Variants in NCALD observed in about 807,000 individuals in gnomAD.
NCALD encodes neurocalcin-delta.
In NCALD, 10 loss-of-function variants were observed where a neutral mutation model predicts 18.6. That is an observed-to-expected ratio of 0.54 (90% CI 0.33 to 0.91). The LOEUF (loss-of-function observed/expected upper bound fraction) is 0.91. Among genes scored for constraint, NCALD ranks in the 40% least tolerant of loss-of-function variants. The pLI is 0.03. For missense variants in NCALD, 184 were observed against 247.6 expected (o/e 0.74, Z 1.72); for synonymous variants, 88 against 87.4 (o/e 1.01, Z -0.04).
At chr8:102,040,479 A>AAAAAGAAAAG (rs113596482) in intron 1 of NCALD, among the ~76,000 whole-genome samples, 2 of 150,750 alleles carry the variant, frequency 1.3e-5, no homozygotes, top group Admixed American at 6.6e-5. Context: ...ATCAAAAAAA[A>AAAAAGAAAAG]AAAAGAAAAG....
At chr8:101,803,185 C>T (rs1455883833) in intron 4 of NCALD, among the ~76,000 whole-genome samples, 1 of 152,130 alleles carries the variant, frequency 6.6e-6, no homozygotes, top group Non-Finnish European at 1.5e-5. Context: ...TGCTCATTTA[C>T]CATTCCAAAA....
intron 2 of NCALD, among the ~76,000 whole-genome samples, chr8:102,015,888 C>T (rs1318405043): frequency 6.6e-6 from 1 of 152,104 alleles, no homozygotes; most frequent in African/African-American, 2.4e-5. Flanking sequence ...GAGATGAGCC[C>T]CAGCTCTCTC....
At chr8:101,978,071 C>T (rs1399761510) in intron 2 of NCALD, among the ~76,000 whole-genome samples, 1 of 151,756 alleles carries the variant, frequency 6.6e-6, no homozygotes, top group Non-Finnish European at 1.5e-5. Flanking sequence ...TGTGCCTCGT[C>T]CATACAGCAA....
chr8:102,034,183 A>G (rs921453016), intron 1 of NCALD, among the ~76,000 whole-genome samples: 2 of 152,212 alleles, frequency 1.3e-5, no homozygotes, highest in African/African-American at 2.4e-5. Context: ...GGAGTGTGTC[A>G]CATAAGTTAA....
At chr8:101,977,696 G>A (rs1820473670) in intron 2 of NCALD, among the ~76,000 whole-genome samples, 1 of 152,134 alleles carries the variant, frequency 6.6e-6, no homozygotes, top group South Asian at 2.1e-4. Flanking sequence ...ATTTCTGGGG[G>A]CTGCAATCCT....
intron 1 of NCALD, among the ~76,000 whole-genome samples, chr8:102,090,330 CT>C (rs1824884382): frequency 6.6e-6 from 1 of 152,124 alleles, no homozygotes; most frequent in South Asian, 2.1e-4. Flanking sequence ...TGTCCTAAAA[CT>C]TTTTGCCATC....
chr8:101,731,160 T>A (rs1352060703), intron 1 of NCALD, among the ~76,000 whole-genome samples: 1 of 152,054 alleles, frequency 6.6e-6, no homozygotes, highest in East Asian at 1.9e-4. Context: ...GGCTCTAAAC[T>A]GGAGGCGTGC....
intron 4 of NCALD, among the ~76,000 whole-genome samples, chr8:101,867,480 T>C (rs993685906): frequency 6.6e-6 from 1 of 152,252 alleles, no homozygotes; most frequent in African/African-American, 2.4e-5. Context: ...ATTTCTGAAG[T>C]AATTTTGAAC....
At chr8:102,062,843 C>T (rs1823890875) in intron 1 of NCALD, among the ~76,000 whole-genome samples, 1 of 152,176 alleles carries the variant, frequency 6.6e-6, no homozygotes, top group African/African-American at 2.4e-5. Flanking sequence ...ATCCCACTGG[C>T]CAAAGCAAGT....
chr8:101,924,969 G>A lies in NCALD; in HGVS notation c.-156-9111C>T, dbSNP rs180966393. On this transcript the variant is annotated intron_variant, in intron 2 of 6. Coordinates refer to the NCALD transcript ENST00000311028. Reference sequence around the variant, plus strand: ...TCCTTCAGATGCTGTGATTCATTCCGATGTTGATTCTGTGACTTCAGTTGT... The same window carrying A: ...TCCTTCAGATGCTGTGATTCATTCCAATGTTGATTCTGTGACTTCAGTTGT... 1.2e-4 allele frequency among the ~76,000 whole-genome samples: 18 copies of A among 152,142 alleles called. No individual in the cohort carries two copies. In the East Asian group the frequency reaches 1.9e-3, roughly 16 times the overall value.
intron 1 of NCALD, among the ~76,000 whole-genome samples, chr8:102,050,815 A>AT (rs924426905): frequency 1.4e-5 from 2 of 145,220 alleles, no homozygotes; most frequent in African/African-American, 2.5e-5. Flanking sequence ...TAATTTAATC[A>AT]TTTTTAATTT....
intron 1 of NCALD, among the ~76,000 whole-genome samples, chr8:102,107,237 T>TATAC (rs1199482397): frequency 1.3e-3 from 140 of 106,030 alleles, no homozygotes; most frequent in African/African-American, 4.8e-3. Context: ...TATATATATA[T>TATAC]ATACACATAG....
At chr8:102,097,499 A>T (rs540477329) in intron 1 of NCALD, among the ~76,000 whole-genome samples, 17 of 152,256 alleles carry the variant, frequency 1.1e-4, no homozygotes, top group African/African-American at 4.1e-4. Flanking sequence ...GTGGCTCATC[A>T]TAAGATATTT....
intron 1 of NCALD, among the ~76,000 whole-genome samples, chr8:101,782,341 T>C (rs1013243691): frequency 6.6e-6 from 1 of 152,114 alleles, no homozygotes; most frequent in African/African-American, 2.4e-5. Flanking sequence ...TTCACATTTC[T>C]TAAAATTTAA....
At chr8:101,817,412 C>T (rs930248886) in intron 4 of NCALD, among the ~76,000 whole-genome samples, 1 of 152,198 alleles carries the variant, frequency 6.6e-6, no homozygotes, top group Admixed American at 6.5e-5. Flanking sequence ...TTCTTGTCAC[C>T]CACATTAAAA....
At chr8:101,876,350 T>C (rs1413686146) in intron 4 of NCALD, among the ~76,000 whole-genome samples, 1 of 152,194 alleles carries the variant, frequency 6.6e-6, no homozygotes, top group Non-Finnish European at 1.5e-5. Flanking sequence ...TATGTTTGCT[T>C]TTGATTATTA....
At chr8:101,965,121 C>T (rs1819973765) in intron 2 of NCALD, among the ~76,000 whole-genome samples, 1 of 152,106 alleles carries the variant, frequency 6.6e-6, no homozygotes, top group African/African-American at 2.4e-5. Context: ...ACAACAGATG[C>T]TGGAGAGGAT....
intron 1 of NCALD, among the ~76,000 whole-genome samples, chr8:102,045,190 T>C (rs1187052674): frequency 1.3e-5 from 2 of 152,204 alleles, no homozygotes; most frequent in Admixed American, 1.3e-4. Context: ...GACAGGGTCA[T>C]TAAGCAGTAA....
At chr8:101,744,300 T>C (rs1191100086) in intron 1 of NCALD, among the ~76,000 whole-genome samples, 1 of 152,202 alleles carries the variant, frequency 6.6e-6, no homozygotes, top group Non-Finnish European at 1.5e-5. Flanking sequence ...CAGCAGACTA[T>C]CCCTGACCTC....
Sources: allele counts gnomAD v4.1 joint callset (sites outside exome capture counted in the v4.1 genomes callset), GRCh38; gene constraint gnomAD v4.1.1; transcripts MANE v1.5; gene names NCBI Gene and HGNC (gene_info 2026-07-23, HGNC 2026-07-21).